SLC12A6: variants seen among roughly 807,000 people sequenced by gnomAD.
SLC12A6 encodes the protein solute carrier family 12 member 6.
SLC12A6 carries 66 observed loss-of-function variants against 135.3 expected under a neutral mutation model. The observed-to-expected ratio is 0.49, with a 90% CI of 0.40 to 0.60. SLC12A6 has a LOEUF of 0.60. SLC12A6 is among the 20% of genes least tolerant of loss of function. The pLI, the probability that SLC12A6 is intolerant of heterozygous loss-of-function variation, is 0.00. For synonymous variants in SLC12A6, 513 were observed against 508.8 expected (o/e 1.01, Z -0.11); for missense variants, 1,058 against 1,452.3 (o/e 0.73, Z 4.41).
intron 2 of SLC12A6, among the ~76,000 whole-genome samples, chr15:34,308,098 TTAATA>T (rs1160214596): frequency 1.3e-5 from 2 of 152,190 alleles, no homozygotes; most frequent in South Asian, 2.1e-4. Context: ...ATAATTTTTC[TTAATA>T]TATTAAAAAT....
At position 34,229,919 on chromosome 15, in the gene SLC12A6, A is replaced by C; in HGVS notation, c.*3962T>G. On this transcript the variant is annotated 3_prime_UTR_variant, in exon 26 of 26. Coordinates refer to ENST00000354181, the MANE Select transcript of SLC12A6 (RefSeq NM_001365088.1). Reference sequence around the variant, plus strand: ...AAAGAACCAAAAGACTCTTTTCTCCATGGTGGGGTGACAGGTCCTAGAAGG... The same window carrying C: ...AAAGAACCAAAAGACTCTTTTCTCCCTGGTGGGGTGACAGGTCCTAGAAGG... The C allele has an allele frequency of 2.4e-6, 2 of 842,752 alleles. No homozygotes were observed. Among genetic ancestry groups the C allele is most frequent in the Non-Finnish European group, 4.0e-6 (2 of 501,658 alleles). The allele number at this position is 842,752 out of a possible 1,614,324, so 52.2% of individuals were successfully genotyped here.
intron 2 of SLC12A6, among the ~76,000 whole-genome samples, chr15:34,323,403 G>A (rs1264968022): frequency 6.6e-6 from 1 of 152,202 alleles, no homozygotes; most frequent in Non-Finnish European, 1.5e-5. Flanking sequence ...AGGCAGGCAA[G>A]CATTACCGCC....
At chr15:34,270,174 G>A (rs1416266321) in intron 3 of SLC12A6, among the ~76,000 whole-genome samples, 1 of 151,688 alleles carries the variant, frequency 6.6e-6, no homozygotes, top group Admixed American at 6.6e-5. Flanking sequence ...ACTCTGTCGC[G>A]GAGTACAGTG....
chr15:34,334,789 C>A (rs945603484), intron 2 of SLC12A6, among the ~76,000 whole-genome samples: 1 of 152,114 alleles, frequency 6.6e-6, no homozygotes, highest in Non-Finnish European at 1.5e-5. Flanking sequence ...CCCATTTTTA[C>A]CCCTGTAGTC....
At position 34,336,462 on chromosome 15, in the gene SLC12A6, AAC is replaced by A; in HGVS notation, c.217_218del (p.Val73CysfsTer7). ...MSGATTSLAT[V>X]ALDPPSDRTS... ...TCCGGTCACTGGGTGGATCCAGTGCAACAGTTGCCAGCGAAGTGGTGGCCCCA... is the reference window on the plus strand; with the variant it reads ...TCCGGTCACTGGGTGGATCCAGTGCAAGTTGCCAGCGAAGTGGTGGCCCCA... On this transcript the variant is annotated frameshift_variant, in exon 2 of 26. Coordinates refer to ENST00000354181, the MANE Select transcript of SLC12A6 (RefSeq NM_001365088.1). LOFTEE classifies it high-confidence loss of function. The A allele has an allele frequency of 6.2e-7, 1 of 1,613,866 alleles. No homozygotes were observed. The highest frequency in any genetic ancestry group is 1.1e-5 in the South Asian group (1 of 91,076).
chr15:34,319,584 A>G lies in SLC12A6; in HGVS notation c.271+16826T>C, dbSNP rs971531526. Among the ~76,000 whole-genome samples, 12 of 151,928 alleles carry G rather than the reference A, an allele frequency of 7.9e-5. No homozygotes were observed. The East Asian group carries it at 2.3e-3, about 30-fold the overall frequency. ...GAGGCCAAGGTGGGCGGGTCACCTG[A>G]GGTCAGGAGTTCAAGACCAGCCTGG... On this transcript the variant is annotated intron_variant, in intron 2 of 25. Transcript: ENST00000354181.
rs935928426 is a variant in SLC12A6 at position 34,230,964 on chromosome 15, C to T, written c.*2917G>A. 8 of 152,002 alleles carry T rather than the reference C, an allele frequency of 5.3e-5. No homozygotes were observed. Among genetic ancestry groups the T allele is most frequent in the African/African-American group, 1.9e-4 (8 of 41,350 alleles). The allele number at this position is 152,002 out of a possible 1,614,324, so 9.4% of individuals were successfully genotyped here. On this transcript the variant is annotated 3_prime_UTR_variant, in exon 26 of 26. Coordinates refer to ENST00000354181, the MANE Select transcript of SLC12A6 (RefSeq NM_001365088.1). ...CTTTACTTTCTGCCCATAATTTGTT[C>T]TACATGGAAAAAAAAAATATTACTT... is the stretch of plus-strand genomic sequence containing the variant.
Position 34,252,201 on chromosome 15 carries a change from G to T in SLC12A6, c.1302C>A (p.Gly434=). ...TTATACCACTAGCCAATCCAGGAATGCCCTGGATTGAAGTGACGTTATTGT... is the reference window on the plus strand; with the variant it reads ...TTATACCACTAGCCAATCCAGGAATTCCCTGGATTGAAGTGACGTTATTGT... ...FVHNNVTSIQ[G]IPGLASGIIT... Residue 434 remains glycine (G), a synonymous_variant, in exon 10 of 26, where the codon GGC becomes GGA. Transcript: ENST00000354181. 6.3e-7 allele frequency: 1 copy of T among 1,594,814 alleles called. No homozygotes were observed. The highest frequency in any genetic ancestry group is 8.6e-7 in the Non-Finnish European group (1 of 1,162,536).
intron 2 of SLC12A6, among the ~76,000 whole-genome samples, chr15:34,298,650 C>T (rs1281547945): frequency 6.6e-6 from 1 of 151,864 alleles, no homozygotes; most frequent in Admixed American, 6.6e-5. Flanking sequence ...ATTTAATATA[C>T]CTAACATAAA....
intron 2 of SLC12A6, among the ~76,000 whole-genome samples, chr15:34,319,855 T>G (rs912542605): frequency 6.6e-6 from 1 of 151,854 alleles, no homozygotes; most frequent in African/African-American, 2.4e-5. Flanking sequence ...TCAGAACTTT[T>G]GTATTGTACA....
In SLC12A6 at chr15:34,257,674, C is replaced by A. The variant is rs1892846270; in HGVS notation, c.658G>T (p.Ala220Ser). Residue 220 changes from alanine to serine, a missense_variant, in exon 6 of 26, where the codon GCT becomes TCT. Physicochemically the swap from Ala to Ser is moderately conservative, Grantham distance 99. This residue lies in a region of SLC12A6 where 139 missense variants were observed against 202.2 expected (regional missense o/e 0.69). Transcript: ENST00000354181. ...CAGCAGATAAGGACAATTGCAAAAG[C>A]CTGAAGAACTCCAGCTGTGCCCACC... ...WVVGTAGVLQ[A>S]FAIVLICCCC... 1 of 1,613,696 alleles carries A rather than the reference C, an allele frequency of 6.2e-7. No homozygotes were observed. The highest frequency in any genetic ancestry group is 1.1e-5 in the South Asian group (1 of 91,068).
At chr15:34,323,131 C>T (rs1889231704) in intron 2 of SLC12A6, among the ~76,000 whole-genome samples, 1 of 151,422 alleles carries the variant, frequency 6.6e-6, no homozygotes, top group East Asian at 1.9e-4. Flanking sequence ...ATATACTTGA[C>T]AAAGGAGATC....
At chr15:34,300,906 G>C (rs1156652261) in intron 2 of SLC12A6, among the ~76,000 whole-genome samples, 2 of 151,906 alleles carry the variant, frequency 1.3e-5, no homozygotes, top group Non-Finnish European at 1.5e-5. Context: ...TTTTAACGTT[G>C]CTGTGACAAT....
intron 16 of SLC12A6, 54 bp from the exon 17 acceptor site, chr15:34,242,275 A>G: frequency 7.5e-7 from 1 of 1,335,012 alleles, no homozygotes; most frequent in Admixed American, 1.7e-5. Context: ...AAAGAAGCCT[A>G]TGTTAAAGGT....
intron 3 of SLC12A6, among the ~76,000 whole-genome samples, chr15:34,263,177 T>C (rs576954602): frequency 6.6e-6 from 1 of 152,196 alleles, no homozygotes; most frequent in African/African-American, 2.4e-5. Flanking sequence ...CCTAGAACTT[T>C]GGGAGGCCCA....
intron 2 of SLC12A6, among the ~76,000 whole-genome samples, chr15:34,302,957 C>CAAAAAAA (rs35647149): frequency 1.2e-5 from 1 of 83,286 alleles, no homozygotes; most frequent in Non-Finnish European, 2.7e-5. Context: ...GACCCTGTCT[C>CAAAAAAA]AAAAAAAAAA....
intron 2 of SLC12A6, among the ~76,000 whole-genome samples, chr15:34,280,452 T>C (rs999712746): frequency 1.3e-5 from 2 of 152,184 alleles, no homozygotes; most frequent in African/African-American, 4.8e-5. Flanking sequence ...TCTTAACACG[T>C]AAGGCATTTC....
chr15:34,317,659 C>T (rs1249785057), intron 2 of SLC12A6, among the ~76,000 whole-genome samples: 1 of 152,046 alleles, frequency 6.6e-6, no homozygotes, highest in Non-Finnish European at 1.5e-5. Flanking sequence ...GCCGAGATCA[C>T]CCCACTGCAT....
At chr15:34,282,272 T>C (rs1894741953) in intron 2 of SLC12A6, among the ~76,000 whole-genome samples, 1 of 152,232 alleles carries the variant, frequency 6.6e-6, no homozygotes, top group South Asian at 2.1e-4. Context: ...AAAGTGTAAT[T>C]TCTCATACCC....
Sources: gnomAD v4.1 joint callset for allele counts (sites outside exome capture counted in the v4.1 genomes callset) on GRCh38, gnomAD v4.1.1 for gene constraint, gnomAD v4.1.1 regional missense constraint, MANE v1.5 for transcripts, NCBI Gene and HGNC (gene_info 2026-07-23, HGNC 2026-07-21) for gene names.